Variants in EFCAB5 observed in about 807,000 individuals in gnomAD.
EFCAB5 encodes the protein EF-hand calcium binding domain 5, also known as EF-hand calcium-binding domain-containing protein 5.
Under a neutral mutation model 167.9 loss-of-function variants are expected in EFCAB5, and 131 were observed. The observed-to-expected ratio is 0.78, with a 90% CI of 0.68 to 0.90. The LOEUF is 0.90. Among genes scored for constraint, EFCAB5 ranks in the 40% least tolerant of loss-of-function variants. The pLI is 0.00. For synonymous variants in EFCAB5, 574 were observed against 602.8 expected, an observed-to-expected ratio of 0.95 and a Z score of 0.70; for missense variants, 1,663 against 1,745.2, an observed-to-expected ratio of 0.95 and a Z score of 0.84.
In EFCAB5 at chr17:29,993,296, C is replaced by G; in HGVS notation, c.899C>G (p.Pro300Arg). Residue 300 changes from proline (P) to arginine (R), a missense_variant, in exon 5 of 23, where the codon CCT becomes CGT. Pro to Arg is a moderately radical substitution (Grantham distance 103). Coordinates refer to ENST00000394835, the MANE Select transcript of EFCAB5 (RefSeq NM_198529.4). ...CAATTCGATGAATGGATTCTAGACCCTAAAGGAATGATTCCTAAGTCAGTG... is the reference window on the plus strand; with the variant it reads ...CAATTCGATGAATGGATTCTAGACCGTAAAGGAATGATTCCTAAGTCAGTG... ...QEQFDEWILD[P>R]KGMIPKSVIQ... 6.2e-7 allele frequency: 1 copy of G among 1,612,486 alleles called. No individual in the cohort carries two copies. The highest frequency in any genetic ancestry group is 8.5e-7 in the Non-Finnish European group (1 of 1,179,258).
intron 14 of EFCAB5, chr17:30,073,617 TA>T: frequency 1.4e-6 from 1 of 705,220 alleles, no homozygotes; most frequent in Middle Eastern, 2.5e-4. Context: ...CGATATTTGT[TA>T]ACAGCTTTTT....
intron 8 of EFCAB5, among the ~76,000 whole-genome samples, chr17:30,047,166 G>A (rs2069951119): frequency 6.6e-6 from 1 of 152,152 alleles, no homozygotes; most frequent in Admixed American, 6.5e-5. Flanking sequence ...CTCAAAGATA[G>A]CCTGCATTCA....
intron 7 of EFCAB5, 87 bp from the exon 8 acceptor site, chr17:30,034,143 T>G: frequency 7.0e-7 from 1 of 1,437,046 alleles, no homozygotes; most frequent in South Asian, 1.3e-5. Context: ...GCCAATGTAT[T>G]TCATGCACAT....
chr17:30,024,695 T>C (rs1174379373), intron 7 of EFCAB5, among the ~76,000 whole-genome samples: 5 of 151,752 alleles, frequency 3.3e-5, no homozygotes, highest in African/African-American at 1.2e-4. Flanking sequence ...TTAAAGTTCA[T>C]ATGGAACCAA....
rs146031672 is a variant in EFCAB5, at chr17:30,027,257, T to G, written c.1045-6973T>G. Among the ~76,000 whole-genome samples, 400 of 150,370 alleles carry G rather than the reference T, an allele frequency of 2.7e-3. 3 individuals carry two copies. The highest frequency in any genetic ancestry group is 8.9e-3 in the African/African-American group (367 of 41,028). On this transcript the variant is annotated intron_variant, in intron 7 of 22. Coordinates refer to ENST00000394835, the MANE Select transcript of EFCAB5 (RefSeq NM_198529.4). Reference sequence around the variant, plus strand: ...ACCTCGGACTCCCAAAGTGCTGGCATTACAGGCGTGAGCCACCATGCCCAG... The same window carrying G: ...ACCTCGGACTCCCAAAGTGCTGGCAGTACAGGCGTGAGCCACCATGCCCAG...
intron 7 of EFCAB5, among the ~76,000 whole-genome samples, chr17:30,016,988 G>A (rs1457795236): frequency 6.6e-6 from 1 of 151,910 alleles, no homozygotes; most frequent in Non-Finnish European, 1.5e-5. Flanking sequence ...GACCAGCCTG[G>A]GCAACATAGG....
rs749384021 is a variant in EFCAB5 at position 29,986,285 on chromosome 17, G to A, written c.768-6880G>A. Among the ~76,000 whole-genome samples the A allele has an allele frequency of 4.9e-4, 74 of 152,150 alleles. 1 individual carries two copies. Among genetic ancestry groups the A allele is most frequent in the Non-Finnish European group, 9.0e-4 (61 of 68,034 alleles). On this transcript the variant is annotated intron_variant, in intron 4 of 22. Transcript: ENST00000394835. Reference sequence around the variant, plus strand: ...TAGTTTCCACAAGTCCTTATGTTTAGCTCCTACAGCGGGCCATATCATTTG... The same window carrying A: ...TAGTTTCCACAAGTCCTTATGTTTAACTCCTACAGCGGGCCATATCATTTG...
Position 30,034,321 on chromosome 17 carries a change from T to A in EFCAB5, c.1136T>A (p.Val379Asp), listed in dbSNP as rs1361982525. 4 of 1,613,620 alleles carry A rather than the reference T, an allele frequency of 2.5e-6. No homozygotes were observed. Among genetic ancestry groups the A allele is most frequent in the African/African-American group, 2.7e-5 (2 of 74,990 alleles). ...CACTCTGCAGATGAATTTCGGGAGG[T>A]CATAAAAGCTGACATGCGGAGGCAG... is the stretch of plus-strand genomic sequence containing the variant. The part of the protein sequence containing the change: ...LCHSADEFRE[V>D]IKADMRRQMF... Residue 379 changes from valine to aspartate, a missense_variant, in exon 8 of 23, where the codon GTC becomes GAC. By Grantham distance (152) the Val-to-Asp change is radical. Transcript: ENST00000394835.
Position 29,942,240 on chromosome 17 carries a change from GA to G in EFCAB5, c.47del (p.Asn16ThrfsTer12). ...TTTACTAACACTGTTTGCATTTCAGGAAAACAGAAAAGAAGACAAAGAGAGG... is the reference window on the plus strand; with the variant it reads ...TTTACTAACACTGTTTGCATTTCAGGAAACAGAAAAGAAGACAAAGAGAGG... ...ASQEELRPAQ[E>X]NRKEDKERKW... On this transcript the variant is annotated frameshift_variant and splice_region_variant, in exon 2 of 23. Coordinates refer to ENST00000394835, the MANE Select transcript of EFCAB5 (RefSeq NM_198529.4). LOFTEE classifies it high-confidence loss of function. 2 of 1,582,930 alleles carry G rather than the reference GA, an allele frequency of 1.3e-6. No individual in the cohort carries two copies. Among genetic ancestry groups the G allele is most frequent in the Admixed American group, 1.8e-5 (1 of 55,176 alleles).
At chr17:29,943,020 A>G (rs1687590360) in intron 2 of EFCAB5, among the ~76,000 whole-genome samples, 1 of 146,322 alleles carries the variant, frequency 6.8e-6, no homozygotes, top group African/African-American at 2.5e-5. Flanking sequence ...CCTGGGCAAC[A>G]GAGTGAAACT....
At chr17:30,080,014 T>C in intron 15 of EFCAB5, 58 bp from the exon 16 acceptor site, 1 of 1,538,182 alleles carries the variant, frequency 6.5e-7, no homozygotes, top group Non-Finnish European at 8.7e-7. Flanking sequence ...AAGGGGGACA[T>C]GATTAGGGGA....
chr17:30,020,631 A>C (rs2069156109), intron 7 of EFCAB5, among the ~76,000 whole-genome samples: 1 of 152,168 alleles, frequency 6.6e-6, no homozygotes. Context: ...ATGGGATTAC[A>C]GGTGTGAGCC....
At chr17:30,054,192 GA>G in intron 10 of EFCAB5, 44 bp downstream of exon 10, 21 of 1,468,980 alleles carry the variant, frequency 1.4e-5, no homozygotes, top group Non-Finnish European at 1.8e-5. Context: ...CTGTTTTGTG[GA>G]ATGGTTTTTA....
chr17:29,989,937 C>A (rs551550124), intron 4 of EFCAB5, among the ~76,000 whole-genome samples: 10 of 152,082 alleles, frequency 6.6e-5, no homozygotes, highest in South Asian at 2.1e-4. Context: ...ACAAACCTTG[C>A]GAATTTTTTC....
intron 8 of EFCAB5, among the ~76,000 whole-genome samples, chr17:30,037,419 C>T (rs903859044): frequency 1.3e-5 from 2 of 152,166 alleles, no homozygotes; most frequent in African/African-American, 4.8e-5. Context: ...ACATACACCA[C>T]AGTCACAGTC....
At chr17:30,010,001 C>G (rs1414116097) in intron 7 of EFCAB5, among the ~76,000 whole-genome samples, 1 of 152,106 alleles carries the variant, frequency 6.6e-6, no homozygotes, top group East Asian at 1.9e-4. Flanking sequence ...GTAATGTGTC[C>G]TATGTCCAAG....
In EFCAB5 at chr17:29,942,325, A is replaced by T. The variant is rs368601605; in HGVS notation, c.105+23A>T. 18 of 1,550,050 alleles carry T rather than the reference A, an allele frequency of 1.2e-5. 1 individual carries two copies. In the African/African-American group the frequency reaches 2.2e-4, roughly 19 times the overall value. ...GAGGTAGAGTTGGCATGAATAAATC[A>T]GATATTAATGCTGGAGAATAAGCTA... On this transcript the variant is annotated intron_variant, in intron 2 of 22. Transcript: ENST00000394835.
intron 1 of EFCAB5, 46 bp downstream of exon 1, chr17:29,941,884 A>G (rs1403572830): frequency 1.3e-6 from 2 of 1,544,582 alleles, no homozygotes; most frequent in East Asian, 2.3e-5. Context: ...AAGATTTGAG[A>G]TTCAACATTC....
rs563930821 is a variant in EFCAB5 at position 30,019,682 on chromosome 17, G to A, written c.1045-14548G>A. Among the ~76,000 whole-genome samples the A allele has an allele frequency of 5.9e-5, 9 of 152,150 alleles. No homozygotes were observed. The East Asian group carries it at 1.5e-3, about 26-fold the overall frequency. ...GCCGGTCTTGAACTCCTGACCTCAG[G>A]TGATCCACACACCTCGGCCTCCCAA... On this transcript the variant is annotated intron_variant, in intron 7 of 22. Coordinates refer to ENST00000394835, the MANE Select transcript of EFCAB5 (RefSeq NM_198529.4).
Sources: gnomAD v4.1 joint callset for allele counts (sites outside exome capture counted in the v4.1 genomes callset) on GRCh38, gnomAD v4.1.1 for gene constraint, MANE v1.5 for transcripts, NCBI Gene and HGNC (gene_info 2026-07-23, HGNC 2026-07-21) for gene names.